Variants in ADAT2 observed in about 807,000 individuals in gnomAD.
The protein encoded by ADAT2 is tRNA-specific adenosine-34 deaminase catalytic subunit ADAT2.
Under a neutral mutation model 25.9 loss-of-function variants are expected in ADAT2, and 26 were observed. The observed-to-expected ratio is 1.00, with a 90% CI of 0.74 to 1.39. The LOEUF is 1.39. ADAT2 is among the 40% of genes most tolerant of loss of function. The pLI, the probability that ADAT2 is intolerant of heterozygous loss-of-function variation, is 0.00. For synonymous variants in ADAT2, 76 were observed against 86.8 expected (o/e 0.88, Z 0.69); for missense variants, 220 against 244.8 (o/e 0.90, Z 0.68).
rs1778935918 is a variant in ADAT2, at chr6:143,426,389, T to G, written c.*2074A>C. ...TGGTCCTGCCCTCCAATCTGCAGTA[T>G]GCCATATTAATGATTTTCTCCCAAA... is the stretch of plus-strand genomic sequence containing the variant. On this transcript the variant is annotated 3_prime_UTR_variant, in exon 6 of 6. Transcript: ENST00000237283. The surrounding 1 kb of genome is among the most constrained non-coding windows in gnomAD (Gnocchi z 4.1). The G allele has an allele frequency of 6.6e-6, 1 of 152,190 alleles. No homozygotes were observed. Among genetic ancestry groups the G allele is most frequent in the Admixed American group, 6.5e-5 (1 of 15,284 alleles). The allele number at this position is 152,190 out of a possible 1,614,324, so 9.4% of individuals were successfully genotyped here.
chr6:143,437,674 T>C lies in ADAT2; in HGVS notation c.201+916A>G, dbSNP rs1040261030. ...TGTGAATCTGGATTCCTATTTTACA[T>C]GTGTTTTGCTAAATATCAGTTTTCT... On this transcript the variant is annotated intron_variant, in intron 2 of 5. Transcript: ENST00000237283. This position sits in a 1 kb window ranked among gnomAD's most constrained non-coding sequence, Gnocchi z 4.1. Among the ~76,000 whole-genome samples the C allele has an allele frequency of 1.1e-4, 16 of 152,242 alleles. No homozygotes were observed. Among genetic ancestry groups the C allele is most frequent in the African/African-American group, 3.4e-4 (14 of 41,470 alleles).
At position 143,440,638 on chromosome 6, in the gene ADAT2, C is replaced by T. The variant is rs1779432675; in HGVS notation, c.97-1944G>A. Among the ~76,000 whole-genome samples, 1 of 152,094 alleles carries T rather than the reference C, an allele frequency of 6.6e-6. No homozygotes were observed. Among genetic ancestry groups the T allele is most frequent in the Admixed American group, 6.6e-5 (1 of 15,262 alleles). Reference sequence around the variant, plus strand: ...TTCTGTGACAGTGGTTAAAGCATGTCCAGTTTATGCAAGTTCAAAAGGCTT... The same window carrying T: ...TTCTGTGACAGTGGTTAAAGCATGTTCAGTTTATGCAAGTTCAAAAGGCTT... On this transcript the variant is annotated intron_variant, in intron 1 of 5. Coordinates refer to ENST00000237283, the MANE Select transcript of ADAT2 (RefSeq NM_182503.3). The surrounding 1 kb of genome is among the most constrained non-coding windows in gnomAD (Gnocchi z 4.5).
At chr6:143,450,175 C>T (rs1779722553) in intron 1 of ADAT2, among the ~76,000 whole-genome samples, 1 of 152,094 alleles carries the variant, frequency 6.6e-6, no homozygotes, top group African/African-American at 2.4e-5. Context: ...TGCTCTCTAC[C>T]AGAAACGTTC....
In ADAT2 at chr6:143,440,371, A is replaced by C. The variant is rs895575688; in HGVS notation, c.97-1677T>G. On this transcript the variant is annotated intron_variant, in intron 1 of 5. Transcript: ENST00000237283. The surrounding 1 kb of genome is among the most constrained non-coding windows in gnomAD (Gnocchi z 4.5). ...TTTATTTAACTAGTGACAACTTCCT[A>C]TTATAAGGCATACAGGATTTCCTCA... 3.3e-5 allele frequency among the ~76,000 whole-genome samples: 5 copies of C among 152,186 alleles called. No homozygotes were observed. Among genetic ancestry groups the C allele is most frequent in the South Asian group, 2.1e-4 (1 of 4,832 alleles).
chr6:143,428,709 T>C lies in ADAT2; in HGVS notation c.460-25A>G. On this transcript the variant is annotated intron_variant, in intron 4 of 5. Transcript: ENST00000237283. The surrounding 1 kb of genome is among the most constrained non-coding windows in gnomAD (Gnocchi z 5.0). The stretch of plus-strand genomic sequence containing the variant: ...ACTGATGGAATGAGAAAGTTGAGAA[T>C]AAACATAGGCCTATGAAAATGTGTG... The C allele has an allele frequency of 6.2e-7, 1 of 1,608,080 alleles. No individual in the cohort carries two copies. The highest frequency in any genetic ancestry group is 8.5e-7 in the Non-Finnish European group (1 of 1,175,156).
chr6:143,450,662 C>CA lies in ADAT2; in HGVS notation c.-5dup, dbSNP rs1183334660. The CA allele has an allele frequency of 6.2e-7, 1 of 1,612,998 alleles. No individual in the cohort carries two copies. Among genetic ancestry groups the CA allele is most frequent in the African/African-American group, 1.3e-5 (1 of 74,940 alleles). Reference sequence around the variant, plus strand: ...TGGGTGCCGCCTTCGCCTCCATACCCAGCCACCACTCAGCTACAGAGCCCG... The same window carrying CA: ...TGGGTGCCGCCTTCGCCTCCATACCCAAGCCACCACTCAGCTACAGAGCCCG... On this transcript the variant is annotated 5_prime_UTR_variant, in exon 1 of 6. Coordinates refer to ENST00000237283, the MANE Select transcript of ADAT2 (RefSeq NM_182503.3).
chr6:143,448,225 G>T (rs1476938129), intron 1 of ADAT2, among the ~76,000 whole-genome samples: 1 of 152,016 alleles, frequency 6.6e-6, no homozygotes, highest in Non-Finnish European at 1.5e-5. Context: ...CACAGGGTGG[G>T]GAACATCACA....
rs891945881 is a variant in ADAT2, at chr6:143,437,067, A to AG, written c.201+1522_201+1523insC. ...TACTATTTTTCATAAGCAAATTGAT[A>AG]AAAAAGTTTTTTTGGGGGGCTGACA... On this transcript the variant is annotated intron_variant, in intron 2 of 5. Coordinates refer to ENST00000237283, the MANE Select transcript of ADAT2 (RefSeq NM_182503.3). The surrounding 1 kb of genome is among the most constrained non-coding windows in gnomAD (Gnocchi z 4.1). Among the ~76,000 whole-genome samples, 6 of 91,038 alleles carry AG rather than the reference A, an allele frequency of 6.6e-5. No individual in the cohort carries two copies. The highest frequency in any genetic ancestry group is 1.3e-4 in the Admixed American group (1 of 7,538). The allele number at this position is 91,038 out of a possible 152,430, so 59.7% of individuals were successfully genotyped here. A position where few individuals can be genotyped will look rare whatever the true frequency, so the allele number is the denominator to read the frequency against.
At chr6:143,429,881 C>A (rs989168668) in intron 4 of ADAT2, among the ~76,000 whole-genome samples, 2 of 152,166 alleles carry the variant, frequency 1.3e-5, no homozygotes, top group East Asian at 1.9e-4. Context: ...CATAAACCTT[C>A]GCCATAACAA....
chr6:143,433,959 A>G lies in ADAT2; in HGVS notation c.224T>C (p.Val75Ala). 6.2e-7 allele frequency: 1 copy of G among 1,614,124 alleles called. No individual in the cohort carries two copies. Among genetic ancestry groups the G allele is most frequent in the Non-Finnish European group, 8.5e-7 (1 of 1,180,020 alleles). The part of the protein sequence containing the change: ...TKNATRHAEM[V>A]AIDQVLDWCR... Reference sequence around the variant, plus strand: ...CCAATCGAGGACCTGATCGATGGCCACCATTTCTGCATGTCGAGTAGCCTG... The same window carrying G: ...CCAATCGAGGACCTGATCGATGGCCGCCATTTCTGCATGTCGAGTAGCCTG... The change falls in exon 3 of 6, where the codon GTG becomes GCG. Residue 75 changes from valine (V) to alanine (A), a missense_variant. By Grantham distance (64) the Val-to-Ala change is moderately conservative. Transcript: ENST00000237283.
chr6:143,424,983 C>T lies in ADAT2; in HGVS notation c.*3480G>A, dbSNP rs1435237846. The stretch of plus-strand genomic sequence containing the variant: ...ACCTTGACCAGATGACCAAAATTGA[C>T]ATCACCTTGGTGTGACGGCCTTTGT... On this transcript the variant is annotated 3_prime_UTR_variant, in exon 6 of 6. Coordinates refer to ENST00000237283, the MANE Select transcript of ADAT2 (RefSeq NM_182503.3). The surrounding 1 kb of genome is among the most constrained non-coding windows in gnomAD (Gnocchi z 4.8). 6.6e-6 allele frequency: 1 copy of T among 152,210 alleles called. No homozygotes were observed. Among genetic ancestry groups the T allele is most frequent in the East Asian group, 1.9e-4 (1 of 5,198 alleles). 9.4% of individuals were successfully genotyped at this position (152,210 alleles called of 1,614,324 possible). A position where few individuals can be genotyped will look rare whatever the true frequency, so the allele number is the denominator to read the frequency against.
chr6:143,430,109 G>A (rs1052068613), intron 4 of ADAT2, among the ~76,000 whole-genome samples: 7 of 152,082 alleles, frequency 4.6e-5, no homozygotes, highest in Non-Finnish European at 8.8e-5. Context: ...CTGTCTGACC[G>A]CTCTTGCCTC....
chr6:143,433,765 C>T (rs776328280), intron 3 of ADAT2, 66 bp downstream of exon 3: 13 of 1,468,176 alleles, frequency 8.9e-6, no homozygotes, highest in South Asian at 3.0e-5. Context: ...AAACAGGCTA[C>T]GTGTTTGGCC....
rs1467161542 is a variant in ADAT2, at chr6:143,434,158, C to T, written c.202-177G>A. On this transcript the variant is annotated intron_variant, in intron 2 of 5. Coordinates refer to ENST00000237283, the MANE Select transcript of ADAT2 (RefSeq NM_182503.3). This position sits in a 1 kb window ranked among gnomAD's most constrained non-coding sequence, Gnocchi z 4.5. ...GTATTCCCCAATTCAAGTACCATAA[C>T]CTCACTTGCGAAAGATATCTAATCA... 1.3e-5 allele frequency among the ~76,000 whole-genome samples: 2 copies of T among 152,200 alleles called. No homozygotes were observed. Among genetic ancestry groups the T allele is most frequent in the East Asian group, 3.8e-4 (2 of 5,196 alleles).
At chr6:143,431,441 G>C (rs1259478765) in intron 4 of ADAT2, among the ~76,000 whole-genome samples, 1 of 152,200 alleles carries the variant, frequency 6.6e-6, no homozygotes, top group Non-Finnish European at 1.5e-5. Flanking sequence ...AGTTATGTAA[G>C]CAAAATTTGA....
rs1779333316 is a variant in ADAT2 at position 143,437,722 on chromosome 6, A to G, written c.201+868T>C. 6.6e-6 allele frequency among the ~76,000 whole-genome samples: 1 copy of G among 152,214 alleles called. No individual in the cohort carries two copies. Among genetic ancestry groups the G allele is most frequent in the African/African-American group, 2.4e-5 (1 of 41,452 alleles). On this transcript the variant is annotated intron_variant, in intron 2 of 5. Coordinates refer to ENST00000237283, the MANE Select transcript of ADAT2 (RefSeq NM_182503.3). This position sits in a 1 kb window ranked among gnomAD's most constrained non-coding sequence, Gnocchi z 4.1. ...TCTTTTCAATAGATGTGATTGATAG[A>G]TGAACTAGTTCCCACAGCCCTGGTA...
intron 1 of ADAT2, among the ~76,000 whole-genome samples, chr6:143,449,040 T>C (rs895498283): frequency 2.7e-5 from 4 of 147,094 alleles, no homozygotes; most frequent in African/African-American, 9.8e-5. Context: ...TTGTATTTCC[T>C]TTACTTTGTA....
At chr6:143,443,547 T>C (rs1227934238) in intron 1 of ADAT2, among the ~76,000 whole-genome samples, 1 of 151,830 alleles carries the variant, frequency 6.6e-6, no homozygotes, top group Non-Finnish European at 1.5e-5. Flanking sequence ...AAGTAAAAAA[T>C]AGGCTGAGCA....
At position 143,428,568 on chromosome 6, in the gene ADAT2, G is replaced by T; in HGVS notation, c.532+44C>A. ...GGTAAGCTCATAGCAGATTCTCTTT[G>T]TATGGATTTAAGGGAAGGACATTAT... On this transcript the variant is annotated intron_variant, in intron 5 of 5. Transcript: ENST00000237283. This position sits in a 1 kb window ranked among gnomAD's most constrained non-coding sequence, Gnocchi z 5.0. The T allele has an allele frequency of 6.2e-7, 1 of 1,611,860 alleles. No individual in the cohort carries two copies. Among genetic ancestry groups the T allele is most frequent in the Non-Finnish European group, 8.5e-7 (1 of 1,178,208 alleles).
Sources: allele counts gnomAD v4.1 joint callset (sites outside exome capture counted in the v4.1 genomes callset), GRCh38; gene constraint gnomAD v4.1.1; non-coding constraint Gnocchi (gnomAD v3.1); transcripts MANE v1.5; gene names NCBI Gene and HGNC (gene_info 2026-07-23, HGNC 2026-07-21).